The following TMEM181 variants were observed in gnomAD, a reference collection of about 807,000 sequenced individuals.
TMEM181 encodes the protein transmembrane protein 181, also known as G protein-coupled receptor 178.
Under a neutral mutation model 71.9 loss-of-function variants are expected in TMEM181, and 39 were observed. That is an observed-to-expected ratio of 0.54 (90% CI 0.42 to 0.71). TMEM181 has a LOEUF of 0.71. Among genes scored for constraint, TMEM181 ranks in the 30% least tolerant of loss-of-function variants. The pLI, the probability that TMEM181 is intolerant of heterozygous loss-of-function variation, is 0.00. For missense variants in TMEM181, 595 were observed against 583.0 expected (o/e 1.02, Z -0.21); for synonymous variants, 245 against 228.8 (o/e 1.07, Z -0.64).
intron 1 of TMEM181, among the ~76,000 whole-genome samples, chr6:158,549,952 C>CTT (rs34066198): frequency 0.24 from 27,028 of 110,684 alleles, 3,710 homozygotes; most frequent in Non-Finnish European, 0.26. Flanking sequence ...TTTGTCAGGA[C>CTT]TTTTTTTTTT....
intron 12 of TMEM181, 29 bp from the exon 13 acceptor site, chr6:158,625,674 A>C: frequency 6.3e-7 from 1 of 1,577,592 alleles, no homozygotes; most frequent in Non-Finnish European, 8.6e-7. Flanking sequence ...TTACTTCCAG[A>C]GTTGTTAATG....
intron 1 of TMEM181, among the ~76,000 whole-genome samples, chr6:158,537,758 T>C (rs1368278821): frequency 6.6e-6 from 1 of 152,210 alleles, no homozygotes; most frequent in Non-Finnish European, 1.5e-5. Context: ...CACTCTGTGC[T>C]AAGGATGGCG....
chr6:158,613,605 C>A (rs983838855), intron 10 of TMEM181, among the ~76,000 whole-genome samples: 1 of 152,152 alleles, frequency 6.6e-6, no homozygotes, highest in Non-Finnish European at 1.5e-5. Flanking sequence ...GAATATGAGA[C>A]CAGTTTCCAA....
At chr6:158,595,755 G>T (rs1392905415) in intron 6 of TMEM181, among the ~76,000 whole-genome samples, 1 of 152,104 alleles carries the variant, frequency 6.6e-6, no homozygotes, top group Non-Finnish European at 1.5e-5. Flanking sequence ...TTGAATCAGG[G>T]TTAGTGTTCC....
chr6:158,589,024 C>T (rs894545567), intron 5 of TMEM181, among the ~76,000 whole-genome samples: 1 of 152,138 alleles, frequency 6.6e-6, no homozygotes, highest in Non-Finnish European at 1.5e-5. Context: ...CCTGCCACTC[C>T]GGAAGGGGAT....
intron 10 of TMEM181, chr6:158,611,156 T>A (rs769506633): frequency 1.9e-6 from 1 of 530,018 alleles, no homozygotes; most frequent in Non-Finnish European, 3.8e-6. Flanking sequence ...TACTCTCCTG[T>A]CACAGAAGCT....
chr6:158,609,843 C>T (rs751238560), intron 10 of TMEM181: 18 of 238,720 alleles, frequency 7.5e-5, no homozygotes, highest in Non-Finnish European at 1.4e-4. Context: ...CTTTTGGGAA[C>T]CCGGCTAGGG....
At chr6:158,547,022 C>CT (rs879661537) in intron 1 of TMEM181, among the ~76,000 whole-genome samples, 2 of 152,108 alleles carry the variant, frequency 1.3e-5, no homozygotes, top group Non-Finnish European at 2.9e-5. Flanking sequence ...TGGCACACGC[C>CT]TGTAATCCCA....
chr6:158,558,462 C>G (rs1781985080), upstream of TMEM181, among the ~76,000 whole-genome samples: 1 of 152,178 alleles, frequency 6.6e-6, no homozygotes, highest in Non-Finnish European at 1.5e-5. Context: ...CCAACAGGTT[C>G]AAAGGACTTT....
intron 6 of TMEM181, among the ~76,000 whole-genome samples, chr6:158,595,669 G>A (rs151146004): frequency 7.2e-5 from 11 of 152,258 alleles, no homozygotes; most frequent in African/African-American, 2.6e-4. Flanking sequence ...AATGAAATAA[G>A]CCAAATACGA....
chr6:158,611,296 C>T (rs1205437867), intron 10 of TMEM181: 2 of 501,098 alleles, frequency 4.0e-6, no homozygotes, highest in African/African-American at 2.0e-5. Context: ...CCTAGCTGGT[C>T]CTTCTCCACA....
chr6:158,572,197 TC>T (rs1277941917), intron 1 of TMEM181, among the ~76,000 whole-genome samples: 5 of 152,196 alleles, frequency 3.3e-5, no homozygotes, highest in African/African-American at 2.4e-5. Context: ...GGCAGTGACT[TC>T]CTGCTCTGCA....
intron 14 of TMEM181, among the ~76,000 whole-genome samples, 192 bp from the exon 15 acceptor site, chr6:158,629,538 T>C (rs936780246): frequency 6.6e-6 from 1 of 151,840 alleles, no homozygotes; most frequent in Non-Finnish European, 1.5e-5. Flanking sequence ...TACTGTGACC[T>C]CGAAGAGTGC....
chr6:158,548,316 T>A (rs577223732), intron 1 of TMEM181, among the ~76,000 whole-genome samples: 1 of 152,284 alleles, frequency 6.6e-6, no homozygotes, highest in East Asian at 1.9e-4. Flanking sequence ...AAAATTGACA[T>A]GGAAACTATT....
intron 11 of TMEM181, among the ~76,000 whole-genome samples, chr6:158,624,846 C>T (rs1381968026): frequency 6.6e-6 from 1 of 152,162 alleles, no homozygotes; most frequent in African/African-American, 2.4e-5. Context: ...CTGGACAGGT[C>T]CCTGGTGGGA....
intron 1 of TMEM181, among the ~76,000 whole-genome samples, chr6:158,550,324 C>T (rs183981281): frequency 1.4e-3 from 206 of 151,658 alleles, no homozygotes; most frequent in Admixed American, 3.5e-3. Context: ...AGATCACAGG[C>T]GTGAGCCACC....
In TMEM181 at chr6:158,553,277, A is replaced by G. The variant is rs1040788748; in HGVS notation, c.131+16412A>G. On this transcript the variant is annotated intron_variant, in intron 1 of 16. Transcript: ENST00000367090. Reference sequence around the variant, plus strand: ...ATACCATAAAACTTTAAGATTTTAAATTACATAAAAAGCTTATTTATAAAC... The same window carrying G: ...ATACCATAAAACTTTAAGATTTTAAGTTACATAAAAAGCTTATTTATAAAC... Among the ~76,000 whole-genome samples, 12 of 152,350 alleles carry G rather than the reference A, an allele frequency of 7.9e-5. No homozygotes were observed. The South Asian group carries it at 1.2e-3, about 16-fold the overall frequency.
chr6:158,547,598 C>A (rs1269817080), intron 1 of TMEM181, among the ~76,000 whole-genome samples: 1 of 152,204 alleles, frequency 6.6e-6, no homozygotes, highest in Non-Finnish European at 1.5e-5. Flanking sequence ...GCTGGGGCCT[C>A]AGCGAAGCCC....
chr6:158,626,749 C>T (rs1786298327), intron 13 of TMEM181: 1 of 444,996 alleles, frequency 2.2e-6, no homozygotes, highest in Non-Finnish European at 4.5e-6. Flanking sequence ...CATGGCCATA[C>T]AACCTCACAA....
Sources: allele counts gnomAD v4.1 joint callset (sites outside exome capture counted in the v4.1 genomes callset), GRCh38; gene constraint gnomAD v4.1.1; transcripts MANE v1.5; gene names NCBI Gene and HGNC (gene_info 2026-07-23, HGNC 2026-07-21).